The following PRKG1 variants were observed in gnomAD, a reference collection of about 807,000 sequenced individuals.
PRKG1 encodes protein kinase cGMP-dependent 1.
Under a neutral mutation model 88.1 loss-of-function variants are expected in PRKG1, and 35 were observed. The observed-to-expected ratio is 0.40, with a 90% CI of 0.30 to 0.53. The LOEUF (loss-of-function observed/expected upper bound fraction) is 0.53, where lower values mean the gene tolerates loss of function less well. PRKG1 is among the 20% of genes least tolerant of loss of function. The pLI is 0.59. For synonymous variants in PRKG1, 303 were observed against 292.5 expected (o/e 1.04, Z -0.37); for missense variants, 540 against 839.8 (o/e 0.64, Z 4.41).
chr10:51,294,179 C>T (rs1840657967), intron 2 of PRKG1, among the ~76,000 whole-genome samples: 1 of 151,868 alleles, frequency 6.6e-6, no homozygotes, highest in South Asian at 2.1e-4. Context: ...ACTTTTTATT[C>T]TATTGATTGT....
At chr10:51,792,892 C>G (rs1283717954) in intron 3 of PRKG1, among the ~76,000 whole-genome samples, 1 of 151,736 alleles carries the variant, frequency 6.6e-6, no homozygotes, top group Non-Finnish European at 1.5e-5. Context: ...CTGAAGACCA[C>G]CTAAAGACAG....
rs552810149 is a variant in PRKG1, at chr10:51,570,631, T to C, written c.592+102795T>C. ...TTTCTAATTGCTGATGGAAATTATATACTTAAACCATTGTTATTTTGACCT... is the reference window on the plus strand; with the variant it reads ...TTTCTAATTGCTGATGGAAATTATACACTTAAACCATTGTTATTTTGACCT... On this transcript the variant is annotated intron_variant, in intron 3 of 17. Coordinates refer to ENST00000373980, the MANE Select transcript of PRKG1 (RefSeq NM_006258.4). 8.6e-5 allele frequency among the ~76,000 whole-genome samples: 13 copies of C among 152,010 alleles called. No homozygotes were observed. The East Asian group carries it at 2.3e-3, about 27-fold the overall frequency.
At chr10:51,005,833 C>G (rs1842935402) in intron 1 of PRKG1, among the ~76,000 whole-genome samples, 1 of 152,170 alleles carries the variant, frequency 6.6e-6, no homozygotes, top group South Asian at 2.1e-4. Flanking sequence ...GCATATTTTT[C>G]CAGGCTGGGT....
chr10:51,310,352 A>G (rs1588822047), intron 2 of PRKG1, among the ~76,000 whole-genome samples: 1 of 152,338 alleles, frequency 6.6e-6, no homozygotes, highest in East Asian at 1.9e-4. Context: ...TTAAAAAAGA[A>G]CCTATTATGA....
chr10:51,222,477 T>C (rs575275789), intron 2 of PRKG1, among the ~76,000 whole-genome samples: 2 of 152,306 alleles, frequency 1.3e-5, no homozygotes, highest in African/African-American at 4.8e-5. Context: ...AAATGCTTAA[T>C]TGATTTCTGT....
chr10:52,223,432 T>G (rs1418892675), intron 9 of PRKG1, among the ~76,000 whole-genome samples: 1 of 152,170 alleles, frequency 6.6e-6, no homozygotes. Flanking sequence ...GTTTTCTTTC[T>G]TTCCCATTAG....
At chr10:51,263,814 G>A (rs529046658) in intron 2 of PRKG1, among the ~76,000 whole-genome samples, 1 of 152,306 alleles carries the variant, frequency 6.6e-6, no homozygotes, top group South Asian at 2.1e-4. Context: ...TGCTCTTGTA[G>A]AGTTGAAAGA....
At position 51,566,936 on chromosome 10, in the gene PRKG1, AAGAG is replaced by A. The variant is rs564909693; in HGVS notation, c.592+99110_592+99113del. On this transcript the variant is annotated intron_variant, in intron 3 of 17. Coordinates refer to ENST00000373980, the MANE Select transcript of PRKG1 (RefSeq NM_006258.4). Reference sequence around the variant, plus strand: ...GACACATACACACACATAAAAAAAAAAGAGAGAGAGAGAAAGAAAAAACAAGGTA... The same window carrying A: ...GACACATACACACACATAAAAAAAAAAGAGAGAGAAAGAAAAAACAAGGTA... Among the ~76,000 whole-genome samples the A allele has an allele frequency of 1.3e-4, 18 of 133,368 alleles. No individual in the cohort carries two copies. In the East Asian group the frequency reaches 2.3e-3, roughly 17 times the overall value. 87.5% of individuals were successfully genotyped at this position (133,368 alleles called of 152,430 possible). A position where few individuals can be genotyped will look rare whatever the true frequency, so the allele number is the denominator to read the frequency against.
At position 51,771,382 on chromosome 10, in the gene PRKG1, C is replaced by T. The variant is rs576772459; in HGVS notation, c.593-33203C>T. Among the ~76,000 whole-genome samples, 114 of 152,188 alleles carry T rather than the reference C, an allele frequency of 7.5e-4. 1 individual carries two copies. The highest frequency in any genetic ancestry group is 2.6e-3 in the African/African-American group (109 of 41,542). On this transcript the variant is annotated intron_variant, in intron 3 of 17. Coordinates refer to ENST00000373980, the MANE Select transcript of PRKG1 (RefSeq NM_006258.4). ...AAAGAGTTGTACCTGGAAGCATTTCCGGAATTTGCTTTCCGTTCTCTGGGT... is the reference window on the plus strand; with the variant it reads ...AAAGAGTTGTACCTGGAAGCATTTCTGGAATTTGCTTTCCGTTCTCTGGGT...
At chr10:51,411,760 T>A (rs1182258566) in intron 2 of PRKG1, among the ~76,000 whole-genome samples, 1 of 152,150 alleles carries the variant, frequency 6.6e-6, no homozygotes, top group Non-Finnish European at 1.5e-5. Flanking sequence ...CCTTCACCCA[T>A]ATGCTCCTCT....
intron 2 of PRKG1, among the ~76,000 whole-genome samples, chr10:51,444,115 T>C (rs1001141960): frequency 2.7e-5 from 4 of 150,492 alleles, no homozygotes; most frequent in Admixed American, 1.3e-4. Context: ...AAAAAAAATA[T>C]GGCAATATTA....
At position 52,115,968 on chromosome 10, in the gene PRKG1, A is replaced by G. The variant is rs73342956; in HGVS notation, c.936-17872A>G. Among the ~76,000 whole-genome samples, 1,383 of 152,268 alleles carry G rather than the reference A, an allele frequency of 9.1e-3. 27 individuals carry two copies. Among genetic ancestry groups the G allele is most frequent in the African/African-American group, 0.032 (1,317 of 41,556 alleles). ...CATGAATCAGGCAGCGCCCTGAACC[A>G]GTAGTCTCGGAGAGCTCCACTCAGC... On this transcript the variant is annotated intron_variant, in intron 7 of 17. Transcript: ENST00000373980.
intron 3 of PRKG1, chr10:51,697,472 T>C (rs748874228): frequency 5.4e-6 from 3 of 550,978 alleles, no homozygotes; most frequent in Non-Finnish European, 9.6e-6. Context: ...TGTTCAGAGT[T>C]ATTTTAAAGT....
intron 1 of PRKG1, among the ~76,000 whole-genome samples, chr10:51,033,031 C>T (rs1234941417): frequency 4.6e-5 from 7 of 152,054 alleles, no homozygotes; most frequent in Non-Finnish European, 1.5e-5. Context: ...AACTACTCTG[C>T]TTTTTTTCTT....
intron 2 of PRKG1, among the ~76,000 whole-genome samples, chr10:51,236,982 G>A (rs1839011693): frequency 6.6e-6 from 1 of 152,184 alleles, no homozygotes; most frequent in South Asian, 2.1e-4. Context: ...TTTTGGCTAA[G>A]GTAATCAGAC....
chr10:51,522,221 C>G (rs16918995), intron 3 of PRKG1, among the ~76,000 whole-genome samples: 1 of 152,130 alleles, frequency 6.6e-6, no homozygotes, highest in African/African-American at 2.4e-5. Context: ...ACATTGAAGA[C>G]CATGTAGAAT....
chr10:51,848,776 G>A (rs1840470319), intron 4 of PRKG1, among the ~76,000 whole-genome samples: 1 of 151,672 alleles, frequency 6.6e-6, no homozygotes, highest in African/African-American at 2.4e-5. Context: ...CAAAGTGCTG[G>A]GATTACAGGT....
intron 5 of PRKG1, among the ~76,000 whole-genome samples, chr10:52,028,100 T>G (rs1845388288): frequency 6.6e-6 from 1 of 152,168 alleles, no homozygotes; most frequent in Non-Finnish European, 1.5e-5. Context: ...GTCTATATTT[T>G]ATTACTGAAA....
At chr10:51,671,053 T>A (rs1840561615) in intron 3 of PRKG1, among the ~76,000 whole-genome samples, 2 of 152,228 alleles carry the variant, frequency 1.3e-5, no homozygotes, top group East Asian at 1.9e-4. Flanking sequence ...GAGATTTTTT[T>A]ATGGGATAAT....
Sources: gnomAD v4.1 joint callset for allele counts (sites outside exome capture counted in the v4.1 genomes callset) on GRCh38, gnomAD v4.1.1 for gene constraint, MANE v1.5 for transcripts, NCBI Gene and HGNC (gene_info 2026-07-23, HGNC 2026-07-21) for gene names.